HDAC9: variants seen among roughly 807,000 people sequenced by gnomAD.
The protein encoded by HDAC9 is MEF-2 interacting transcription repressor (MITR) protein.
A neutral mutation model predicts 139.4 loss-of-function variants in HDAC9; 41 were observed. That is an observed-to-expected ratio of 0.29 (90% CI 0.23 to 0.38). HDAC9 has a LOEUF of 0.38. Ranked by LOEUF, HDAC9 falls within the 10% of genes least tolerant of loss-of-function variation. HDAC9 has a pLI of 1.00. For missense variants in HDAC9, 1,147 were observed against 1,297.0 expected (o/e 0.88, Z 1.78); for synonymous variants, 517 against 476.2 (o/e 1.09, Z -1.12).
At chr7:18,497,067 G>C (rs1008205447) in intron 2 of HDAC9, among the ~76,000 whole-genome samples, 1 of 152,078 alleles carries the variant, frequency 6.6e-6, no homozygotes, top group East Asian at 1.9e-4. Flanking sequence ...GTGGGAGATT[G>C]AGCTTGTCAG....
chr7:18,840,188 T>C (rs1421098673), intron 21 of HDAC9, among the ~76,000 whole-genome samples: 1 of 152,084 alleles, frequency 6.6e-6, no homozygotes, highest in East Asian at 1.9e-4. Context: ...ATCTGGCATA[T>C]ACTGAGGACT....
intron 22 of HDAC9, among the ~76,000 whole-genome samples, chr7:18,883,406 T>A (rs1799878589): frequency 6.6e-6 from 1 of 152,092 alleles, no homozygotes; most frequent in Non-Finnish European, 1.5e-5. Flanking sequence ...CACAAATGTG[T>A]TATACCTGAT....
chr7:18,919,047 G>A (rs1313532216), intron 22 of HDAC9, among the ~76,000 whole-genome samples: 1 of 151,890 alleles, frequency 6.6e-6, no homozygotes, highest in Non-Finnish European at 1.5e-5. Flanking sequence ...AAAACTTTTT[G>A]CAATAAATAC....
chr7:18,588,142 T>C (rs1829966920), intron 3 of HDAC9, among the ~76,000 whole-genome samples: 1 of 152,224 alleles, frequency 6.6e-6, no homozygotes, highest in African/African-American at 2.4e-5. Context: ...AAGGCTATTA[T>C]GGTTGATATA....
chr7:18,342,838 G>C lies in HDAC9; in HGVS notation c.-42+52323G>C, dbSNP rs570710487. Among the ~76,000 whole-genome samples the C allele has an allele frequency of 4.0e-5, 6 of 151,892 alleles. No homozygotes were observed. The East Asian group carries it at 1.2e-3, about 29-fold the overall frequency. ...AATTTCTATTTCTATTAAACAAGCT[G>C]AATATTTGCGTTATGTGCAAGCAAA... On this transcript the variant is annotated intron_variant, in intron 1 of 3. Coordinates refer to the HDAC9 transcript ENST00000413509.
chr7:18,377,543 A>T (rs74759419), intron 1 of HDAC9, among the ~76,000 whole-genome samples: 3,221 of 152,304 alleles, frequency 0.021, 108 homozygotes, highest in African/African-American at 0.074. Flanking sequence ...ATGACACTTG[A>T]TATGTTGAAG....
At chr7:18,444,644 A>G (rs12673860) in intron 1 of HDAC9, among the ~76,000 whole-genome samples, 5,341 of 152,150 alleles carry the variant, frequency 0.035, 117 homozygotes, top group African/African-American at 0.067. Flanking sequence ...TTTCTTCCCC[A>G]CAGGTTTATA....
At chr7:18,086,903 C>CGCGGCGGCGGCG (rs535747379), upstream of HDAC9, 21 of 144,552 alleles carry the variant, frequency 1.5e-4, no homozygotes, top group African/African-American at 4.0e-4. Context: ...GCCCCCCCCG[C>CGCGGCGGCGGCG]GCGGCGGCGG....
At chr7:18,292,892 G>A (rs1025106858) in intron 1 of HDAC9, among the ~76,000 whole-genome samples, 1 of 152,076 alleles carries the variant, frequency 6.6e-6, no homozygotes, top group Non-Finnish European at 1.5e-5. Flanking sequence ...TTACATTACG[G>A]GTACAACTGC....
intron 1 of HDAC9, among the ~76,000 whole-genome samples, chr7:18,111,588 A>G (rs768454466): frequency 3.3e-4 from 51 of 152,356 alleles, no homozygotes; most frequent in Admixed American, 9.8e-4. Flanking sequence ...AATCGTCTCT[A>G]TATTACTAAT....
intron 1 of HDAC9, among the ~76,000 whole-genome samples, chr7:18,368,569 C>A (rs1279318377): frequency 6.6e-6 from 1 of 151,856 alleles, no homozygotes; most frequent in Non-Finnish European, 1.5e-5. Context: ...GAAAAAAAAC[C>A]CCCAAGGTTT....
At chr7:18,683,638 T>A (rs1054645246) in intron 12 of HDAC9, among the ~76,000 whole-genome samples, 11 of 152,118 alleles carry the variant, frequency 7.2e-5, no homozygotes, top group Admixed American at 4.6e-4. Context: ...TTTATGATAA[T>A]GGACAAAATT....
intron 22 of HDAC9, among the ~76,000 whole-genome samples, chr7:18,909,765 C>T (rs1040785807): frequency 1.3e-5 from 2 of 151,930 alleles, no homozygotes; most frequent in African/African-American, 4.8e-5. Context: ...TCAGTTGACT[C>T]TATATATGTG....
intron 2 of HDAC9, among the ~76,000 whole-genome samples, chr7:18,280,294 AG>A (rs1026407519): frequency 6.6e-6 from 1 of 152,170 alleles, no homozygotes; most frequent in African/African-American, 2.4e-5. Flanking sequence ...TCTACAAAAA[AG>A]TTAAAAATTA....
chr7:18,584,259 G>A (rs1053995821), intron 2 of HDAC9, among the ~76,000 whole-genome samples: 33 of 147,416 alleles, frequency 2.2e-4, no homozygotes, highest in Non-Finnish European at 3.6e-4. Flanking sequence ...TCCTGCCTCA[G>A]CTGGGACTAC....
chr7:18,131,942 G>A (rs1423411864), intron 1 of HDAC9, among the ~76,000 whole-genome samples: 4 of 152,132 alleles, frequency 2.6e-5, no homozygotes, highest in African/African-American at 4.8e-5. Context: ...GAAGAGGCTG[G>A]CGTCAAGTAT....
chr7:18,706,683 G>T (rs73315418), intron 12 of HDAC9, among the ~76,000 whole-genome samples: 12 of 152,244 alleles, frequency 7.9e-5, no homozygotes, highest in African/African-American at 2.4e-4. Flanking sequence ...AGTTGGGGTG[G>T]GTTGCTACTG....
chr7:18,183,062 T>G (rs577799303), intron 2 of HDAC9, among the ~76,000 whole-genome samples: 3 of 151,268 alleles, frequency 2.0e-5, no homozygotes, highest in Non-Finnish European at 4.4e-5. Context: ...CGTGCTGGAG[T>G]GCAGTGGCGC....
chr7:18,389,957 A>T (rs1189994519), intron 1 of HDAC9, among the ~76,000 whole-genome samples: 1 of 151,948 alleles, frequency 6.6e-6, no homozygotes, highest in African/African-American at 2.4e-5. Flanking sequence ...AACATGACTA[A>T]CATGTTCTCC....
Sources: gnomAD v4.1 joint callset for allele counts (sites outside exome capture counted in the v4.1 genomes callset) on GRCh38, gnomAD v4.1.1 for gene constraint, MANE v1.5 for transcripts, NCBI Gene and HGNC (gene_info 2026-07-23, HGNC 2026-07-21) for gene names.